The following GPATCH2L variants were observed in gnomAD, a reference collection of about 807,000 sequenced individuals.
GPATCH2L encodes the protein G-patch domain containing 2 like, also known as G patch domain-containing protein 2-like.
GPATCH2L carries 31 observed loss-of-function variants against 57.4 expected under a neutral mutation model. The ratio of observed to expected loss-of-function variants is 0.54; its 90% CI spans 0.41 to 0.73. The LOEUF (loss-of-function observed/expected upper bound fraction) is 0.73, where lower values mean the gene tolerates loss of function less well. Among genes scored for constraint, GPATCH2L ranks in the 30% least tolerant of loss-of-function variants. The pLI, the probability that GPATCH2L is intolerant of heterozygous loss-of-function variation, is 0.00. For missense variants in GPATCH2L, 481 were observed against 599.9 expected (o/e 0.80, Z 2.07); for synonymous variants, 199 against 210.7 (o/e 0.94, Z 0.48).
At position 76,173,562 on chromosome 14, in the gene GPATCH2L, G is replaced by C. The variant is rs764514578; in HGVS notation, c.921G>C (p.Leu307Phe). Residue 307 changes from leucine to phenylalanine, a missense_variant, in exon 5 of 10, where the codon TTG (leucine) becomes TTC (phenylalanine). Leu to Phe is a conservative substitution (Grantham distance 22, BLOSUM62 0). Around this residue, in one of 3 missense-constraint regions of GPATCH2L, gnomAD observed 248 missense variants for 270.5 expected, o/e 0.92. Coordinates refer to ENST00000261530, the MANE Select transcript of GPATCH2L (RefSeq NM_017926.4). ...TTTTTTTAGGGTACCATACTCGCTT[G>C]AATCGTCTACCTGGAGCTGCAGCTC... ...RPAQRGYHTR[L>F]NRLPGAAARC... is the part of the protein sequence containing the mutation. 6.2e-7 allele frequency: 1 copy of C among 1,612,508 alleles called. No homozygotes were observed. Among genetic ancestry groups the C allele is most frequent in the Non-Finnish European group, 8.5e-7 (1 of 1,178,968 alleles).
chr14:76,194,714 T>C (rs896738872), intron 8 of GPATCH2L, among the ~76,000 whole-genome samples: 1 of 151,882 alleles, frequency 6.6e-6, no homozygotes, highest in African/African-American at 2.4e-5. Flanking sequence ...GTTTATCTGG[T>C]ATAATTTTAT....
rs1412984996 is a variant in GPATCH2L, at chr14:76,208,449, C to T, written c.*6598C>T. The T allele has an allele frequency of 1.3e-5, 2 of 152,112 alleles. No homozygotes were observed. The highest frequency in any genetic ancestry group is 4.8e-5 in the African/African-American group (2 of 41,428). The allele number at this position is 152,112 out of a possible 1,614,324, so 9.4% of individuals were successfully genotyped here. ...TCAAACTCCCTCCTGTTGTCAGCAG[C>T]TTATTGCAAACTGGCCATTCTAAAC... On this transcript the variant is annotated 3_prime_UTR_variant, in exon 10 of 10. Coordinates refer to ENST00000261530, the MANE Select transcript of GPATCH2L (RefSeq NM_017926.4).
Position 76,207,830 on chromosome 14 carries a change from T to C in GPATCH2L, c.*5979T>C, listed in dbSNP as rs2040396145. 1 of 152,180 alleles carries C rather than the reference T, an allele frequency of 6.6e-6. No homozygotes were observed. The highest frequency in any genetic ancestry group is 1.5e-5 in the Non-Finnish European group (1 of 68,032). 9.4% of individuals were successfully genotyped at this position (152,180 alleles called of 1,614,324 possible). On this transcript the variant is annotated 3_prime_UTR_variant, in exon 10 of 10. Coordinates refer to ENST00000261530, the MANE Select transcript of GPATCH2L (RefSeq NM_017926.4). ...ATCTTAAGGCTTTGAAAAGAAACCA[T>C]GGCCATTTTTTCTTCATATTTTACC...
At chr14:76,230,990 G>C (rs2040558709) in intron 2 of GPATCH2L, among the ~76,000 whole-genome samples, 1 of 152,060 alleles carries the variant, frequency 6.6e-6, no homozygotes, top group Non-Finnish European at 1.5e-5. Flanking sequence ...TTTTATACTT[G>C]CCCTAAACTT....
In GPATCH2L at chr14:76,221,836, G is replaced by A. The variant is rs148975118; in HGVS notation, c.66-7972G>A. On this transcript the variant is annotated intron_variant and NMD_transcript_variant, in intron 1 of 3. Coordinates refer to the GPATCH2L transcript ENST00000556372. ...TTAGATGGGAAGGAGAGGTGAATAG[G>A]CAGAGCACAGAAGATTTTTAGGGCA... Among the ~76,000 whole-genome samples, 25 of 152,216 alleles carry A rather than the reference G, an allele frequency of 1.6e-4. No homozygotes were observed. The East Asian group carries it at 4.6e-3, about 28-fold the overall frequency.
downstream of GPATCH2L, among the ~76,000 whole-genome samples, chr14:76,215,839 C>T (rs758111176): frequency 1.9e-4 from 29 of 150,816 alleles, no homozygotes; most frequent in African/African-American, 2.7e-4. Context: ...GTGGGTGCAG[C>T]GCACCAGCAT....
intron 2 of GPATCH2L, among the ~76,000 whole-genome samples, chr14:76,160,252 C>G (rs2038517888): frequency 6.6e-6 from 1 of 152,234 alleles, no homozygotes; most frequent in South Asian, 2.1e-4. Flanking sequence ...ACTGGCCTTG[C>G]ATTTCTGAAC....
intron 6 of GPATCH2L, among the ~76,000 whole-genome samples, chr14:76,177,527 G>A (rs1050572206): frequency 2.0e-5 from 3 of 151,400 alleles, no homozygotes; most frequent in African/African-American, 4.9e-5. Context: ...CATCCAACTC[G>A]GGCTAATTTT....
chr14:76,172,099 C>T (rs997587528), intron 4 of GPATCH2L, 80 bp downstream of exon 4: 27 of 856,276 alleles, frequency 3.2e-5, no homozygotes, highest in Non-Finnish European at 4.6e-5. Flanking sequence ...CAAGCATACT[C>T]ATGCCTTCAA....
intron 2 of GPATCH2L, among the ~76,000 whole-genome samples, chr14:76,235,168 CAAAAAAA>C (rs34157061): frequency 1.0e-5 from 1 of 98,758 alleles, no homozygotes; most frequent in Non-Finnish European, 2.2e-5. Flanking sequence ...AACTCTGTCT[CAAAAAAA>C]AAAAAAAAAG....
chr14:76,182,672 A>G (rs1236804733), intron 8 of GPATCH2L, among the ~76,000 whole-genome samples: 1 of 152,038 alleles, frequency 6.6e-6, no homozygotes, highest in Non-Finnish European at 1.5e-5. Flanking sequence ...CTTCAGTAGC[A>G]TGATGTTTAT....
Position 76,171,836 on chromosome 14 carries a change from A to G in GPATCH2L, c.728-7A>G, listed in dbSNP as rs374966077. The G allele has an allele frequency of 1.2e-5, 19 of 1,533,854 alleles. No homozygotes were observed. Among genetic ancestry groups the G allele is most frequent in the African/African-American group, 2.8e-5 (2 of 71,210 alleles). On this transcript the variant is annotated splice_region_variant and splice_polypyrimidine_tract_variant and intron_variant, in intron 3 of 9. Coordinates refer to ENST00000261530, the MANE Select transcript of GPATCH2L (RefSeq NM_017926.4). The stretch of plus-strand genomic sequence containing the variant: ...TTCTAGCTTATGATATGATGTCTTT[A>G]CTTTAGGTGATGACGAACAGAGTGA...
rs2040334748 is a variant in GPATCH2L, at chr14:76,203,027, T to C, written c.*1176T>C. The C allele has an allele frequency of 6.6e-6, 1 of 152,164 alleles. No individual in the cohort carries two copies. 9.4% of individuals were successfully genotyped at this position (152,164 alleles called of 1,614,324 possible). ...CGTTTACTCTGAAATACATAGAAGC[T>C]CTTGGTGAAGTGCTCCCTGCTCTGG... On this transcript the variant is annotated 3_prime_UTR_variant, in exon 10 of 10. Coordinates refer to ENST00000261530, the MANE Select transcript of GPATCH2L (RefSeq NM_017926.4).
chr14:76,229,796 A>G (rs924739740), intron 1 of GPATCH2L: 1 of 152,074 alleles, frequency 6.6e-6, no homozygotes, highest in Non-Finnish European at 1.5e-5. Context: ...CTGAACTTTC[A>G]ATCTTGATTA....
intron 1 of GPATCH2L, among the ~76,000 whole-genome samples, chr14:76,227,481 A>G (rs1262134070): frequency 1.3e-5 from 2 of 152,172 alleles, no homozygotes; most frequent in Non-Finnish European, 1.5e-5. Context: ...AACCCAAAGT[A>G]TGAAGTTGAT....
At chr14:76,153,310 T>C (rs1034567159) in intron 1 of GPATCH2L, among the ~76,000 whole-genome samples, 3 of 152,272 alleles carry the variant, frequency 2.0e-5, no homozygotes. Flanking sequence ...AAATTTAATA[T>C]GTATTTAATT....
intron 2 of GPATCH2L, 69 bp from the exon 3 acceptor site, chr14:76,166,594 A>G: frequency 1.9e-6 from 2 of 1,040,824 alleles, no homozygotes; most frequent in Non-Finnish European, 3.0e-6. Flanking sequence ...TTGAAAACCA[A>G]AATAAGTGTA....
chr14:76,234,489 C>T (rs937484549), intron 2 of GPATCH2L: 6 of 152,272 alleles, frequency 3.9e-5, no homozygotes, highest in African/African-American at 9.6e-5. Flanking sequence ...TTATCACTCT[C>T]TCTCTGTCCC....
intron 2 of GPATCH2L, among the ~76,000 whole-genome samples, chr14:76,160,136 T>A (rs1160655667): frequency 7.2e-5 from 11 of 151,928 alleles, no homozygotes; most frequent in Non-Finnish European, 4.4e-5. Flanking sequence ...AGAGCGAGAC[T>A]CTGTCTCAAA....
Sources: allele counts gnomAD v4.1 joint callset (sites outside exome capture counted in the v4.1 genomes callset), GRCh38; gene constraint gnomAD v4.1.1; regional missense constraint gnomAD v4.1.1; transcripts MANE v1.5; gene names NCBI Gene and HGNC (gene_info 2026-07-23, HGNC 2026-07-21).